Variants in EIF4G1 observed in about 807,000 individuals in gnomAD.
EIF4G1 encodes EIF4-gamma.
EIF4G1 carries 4 observed loss-of-function variants against 187.8 expected under a neutral mutation model. The observed-to-expected ratio is 0.02, with a 90% CI of 0.01 to 0.05. EIF4G1 has a LOEUF of 0.05. Among genes scored for constraint, EIF4G1 ranks in the 10% least tolerant of loss-of-function variants. The probability of loss-of-function intolerance (pLI) is 1.00; values close to 1 mark genes in which losing one functional copy is unlikely to be tolerated. For missense variants in EIF4G1, 1,647 were observed against 2,081.1 expected (o/e 0.79, Z 4.06); for synonymous variants, 844 against 781.4 (o/e 1.08, Z -1.34).
At chr3:184,318,395 C>T (rs1723155001) in intron 6 of EIF4G1, among the ~76,000 whole-genome samples, 2 of 152,144 alleles carry the variant, frequency 1.3e-5, no homozygotes. Context: ...GTCAGGAGGA[C>T]TGCTTAAGGC....
At chr3:184,326,405 TAA>T in intron 21 of EIF4G1, 120 bp from the exon 22 acceptor site, 2 of 1,012,842 alleles carry the variant, frequency 2.0e-6, no homozygotes, top group East Asian at 2.4e-5. Flanking sequence ...GGCCCTTTAT[TAA>T]AAAAGATTTT....
chr3:184,315,769 G>A lies in EIF4G1; in HGVS notation c.-28G>A. ...CGCCACTCTTTCCCAACAGGTGCTG[G>A]GGGGACCCTGATGTGGCACCAAATG... On this transcript the variant is annotated 5_prime_UTR_variant, in exon 3 of 33. Coordinates refer to ENST00000346169, the MANE Select transcript of EIF4G1 (RefSeq NM_198241.3). 6.4e-7 allele frequency: 1 copy of A among 1,551,332 alleles called. No individual in the cohort carries two copies. Among genetic ancestry groups the A allele is most frequent in the Non-Finnish European group, 8.7e-7 (1 of 1,146,704 alleles).
intron 28 of EIF4G1, among the ~76,000 whole-genome samples, chr3:184,329,358 C>T (rs11917469): frequency 0.023 from 3,481 of 152,276 alleles, 124 homozygotes; most frequent in African/African-American, 0.078. Context: ...ATGGGCCGGG[C>T]GCAGTGGCTC....
chr3:184,331,404 T>C, intron 29 of EIF4G1, 40 bp downstream of exon 29: 1 of 1,614,198 alleles, frequency 6.2e-7, no homozygotes, highest in Non-Finnish European at 8.5e-7. Flanking sequence ...CATTTGAGGC[T>C]GGCCAGTCTT....
Position 184,322,002 on chromosome 3 carries a change from A to G in EIF4G1, c.1418A>G (p.Glu473Gly). The G allele has an allele frequency of 6.2e-7, 1 of 1,608,100 alleles. No homozygotes were observed. Among genetic ancestry groups the G allele is most frequent in the South Asian group, 1.1e-5 (1 of 91,056 alleles). Residue 473 changes from glutamate to glycine, a missense_variant, in exon 10 of 33, where the codon GAA (glutamate) becomes GGA (glycine). By Grantham distance (98) the Glu-to-Gly change is moderately conservative. Around this residue, in one of 11 missense-constraint regions of EIF4G1, gnomAD observed 522 missense variants for 485.2 expected, o/e 1.08. Transcript: ENST00000346169. ...GAAGGAGAAGCAGGAGAAGCAGGAG[A>G]AGCTGAGAGTGAGAAAGGAGGAGAG... ...EEEGEAGEAG[E>G]AESEKGGEEL...
At chr3:184,321,083 C>A in intron 9 of EIF4G1, 90 bp downstream of exon 9, 1 of 1,535,656 alleles carries the variant, frequency 6.5e-7, no homozygotes, top group African/African-American at 1.4e-5. Context: ...AACTGGGTAC[C>A]AGAGAATGAT....
Position 184,335,055 on chromosome 3 carries a change from A to T in EIF4G1, c.*147A>T, listed in dbSNP as rs11559215. ...GAACTAATAAAGTGGCTGAAGAGGC[A>T]GGATGGCTTGGGGCTGCCTGGGCCC... On this transcript the variant is annotated 3_prime_UTR_variant, in exon 33 of 33. Coordinates refer to ENST00000346169, the MANE Select transcript of EIF4G1 (RefSeq NM_198241.3). 0.011 allele frequency: 13,038 copies of T among 1,194,634 alleles called. 95 individuals carry two copies. Among genetic ancestry groups the T allele is most frequent in the Non-Finnish European group, 0.013 (10,845 of 847,844 alleles). 74.0% of individuals were successfully genotyped at this position (1,194,634 alleles called of 1,614,324 possible).
Position 184,328,507 on chromosome 3 carries a change from T to C in EIF4G1, c.3954-124T>C, listed in dbSNP as rs917576683. 5.1e-6 allele frequency: 7 copies of C among 1,365,664 alleles called. No individual in the cohort carries two copies. The African/African-American group carries it at 8.6e-5, about 17-fold the overall frequency. 84.6% of individuals were successfully genotyped at this position (1,365,664 alleles called of 1,614,324 possible). A position where few individuals can be genotyped will look rare whatever the true frequency, so the allele number is the denominator to read the frequency against. ...CAGAGGTGGCCTTAGCTTGAAATAA[T>C]TGTCCCCATGTCTAGAAAATGTTCC... On this transcript the variant is annotated intron_variant, in intron 26 of 32. Coordinates refer to ENST00000346169, the MANE Select transcript of EIF4G1 (RefSeq NM_198241.3).
chr3:184,332,170 A>C, intron 32 of EIF4G1, 84 bp downstream of exon 32: 3 of 1,586,242 alleles, frequency 1.9e-6, no homozygotes, highest in Non-Finnish European at 2.6e-6. Context: ...AAGGGTCTTA[A>C]TCCAAGAAAG....
chr3:184,323,697 C>G lies in EIF4G1; in HGVS notation c.2275-83C>G, dbSNP rs34784639. ...TCCTTATCACTAGCATCTGTCATGCCTAAGTCCCCACCACCCTCTCCTGTC... is the reference window on the plus strand; with the variant it reads ...TCCTTATCACTAGCATCTGTCATGCGTAAGTCCCCACCACCCTCTCCTGTC... On this transcript the variant is annotated intron_variant, in intron 15 of 32. Coordinates refer to ENST00000346169, the MANE Select transcript of EIF4G1 (RefSeq NM_198241.3). This position sits in a 1 kb window ranked among gnomAD's most constrained non-coding sequence, Gnocchi z 6.9. The G allele has an allele frequency of 1.2e-6, 2 of 1,609,832 alleles. No individual in the cohort carries two copies. The highest frequency in any genetic ancestry group is 1.3e-5 in the African/African-American group (1 of 74,842).
rs750265716 is a variant in EIF4G1 at position 184,321,314 on chromosome 3, C to G, written c.730C>G (p.Arg244Gly). The change falls in exon 10 of 33, where the codon CGG becomes GGG. Residue 244 changes from arginine (R) to glycine (G), a missense_variant. Physicochemically the swap from Arg to Gly is moderately radical, Grantham distance 125. Transcript: ENST00000346169. ...GTCACAGGGAGCAATCATTGCTGAC[C>G]GGCCAGGGCTGCCTGGCCCAGAGCA... ...DRSQGAIIADRPGLPGPEHSP... is the reference protein window; with the variant it reads ...DRSQGAIIADGPGLPGPEHSP... 34 of 1,614,030 alleles carry G rather than the reference C, an allele frequency of 2.1e-5. No homozygotes were observed. The highest frequency in any genetic ancestry group is 3.3e-5 in the Admixed American group (2 of 60,002).
chr3:184,319,515 G>T, intron 6 of EIF4G1, 174 bp from the exon 7 acceptor site: 7 of 568,470 alleles, frequency 1.2e-5, no homozygotes, highest in Admixed American at 2.3e-5. Flanking sequence ...GTTCAGACTG[G>T]TTCCCCAGCT....
intron 32 of EIF4G1, among the ~76,000 whole-genome samples, chr3:184,332,785 T>G (rs1396619285): frequency 6.6e-6 from 1 of 151,810 alleles, no homozygotes; most frequent in African/African-American, 2.4e-5. Flanking sequence ...GGAAAAGAAC[T>G]ATTAAAGAAA....
At chr3:184,327,136 A>G (rs1411327574) in intron 23 of EIF4G1, 80 bp from the exon 24 acceptor site, 6 of 1,585,790 alleles carry the variant, frequency 3.8e-6, no homozygotes, top group East Asian at 2.2e-5. Flanking sequence ...ACAAGGCCCA[A>G]CAGTTGCTCA....
intron 1 of EIF4G1, chr3:184,315,095 G>T (rs972486030): frequency 3.1e-6 from 1 of 324,694 alleles, no homozygotes; most frequent in African/African-American, 2.3e-5. Context: ...CAGGGAGGGC[G>T]CAGGGGAGGG....
intron 32 of EIF4G1, 59 bp downstream of exon 32, chr3:184,332,145 T>A: frequency 6.2e-7 from 1 of 1,612,336 alleles, no homozygotes; most frequent in East Asian, 2.2e-5. Flanking sequence ...TAGCAGGGCA[T>A]GAGACCCTTC....
At chr3:184,320,163 C>A in intron 7 of EIF4G1, 1 of 786,536 alleles carries the variant, frequency 1.3e-6, no homozygotes, top group Non-Finnish European at 1.7e-6. Context: ...TCAAGGCCTC[C>A]GCCTCTGCTC....
Position 184,315,589 on chromosome 3 carries a change from G to A in EIF4G1, c.-35+44G>A, listed in dbSNP as rs746386780. 4 of 769,088 alleles carry A rather than the reference G, an allele frequency of 5.2e-6. No individual in the cohort carries two copies. The East Asian group carries it at 9.8e-5, about 19-fold the overall frequency. The allele number at this position is 769,088 out of a possible 1,614,324, so 47.6% of individuals were successfully genotyped here. Reference sequence around the variant, plus strand: ...TCAGTAGGTCAGGGGTTGGTTGGAAGTGATGCGGGTTTGACAGCATGTTGG... The same window carrying A: ...TCAGTAGGTCAGGGGTTGGTTGGAAATGATGCGGGTTTGACAGCATGTTGG... On this transcript the variant is annotated intron_variant, in intron 2 of 32. Coordinates refer to ENST00000346169, the MANE Select transcript of EIF4G1 (RefSeq NM_198241.3).
chr3:184,327,600 G>T lies in EIF4G1; in HGVS notation c.3676G>T (p.Ala1226Ser). 2 of 1,614,164 alleles carry T rather than the reference G, an allele frequency of 1.2e-6. No individual in the cohort carries two copies. Among genetic ancestry groups the T allele is most frequent in the Non-Finnish European group, 1.7e-6 (2 of 1,179,990 alleles). ...RGRDAVKREA[A>S]LPPVSPLKAA... ...TCTTCCCACAGTGAAGCGAGAAGCT[G>T]CCCTACCCCCAGTGAGCCCCCTGAA... The change falls in exon 25 of 33, where the codon GCC becomes TCC. Residue 1226 changes from alanine to serine, a missense_variant. Around this residue, in one of 11 missense-constraint regions of EIF4G1, gnomAD observed 543 missense variants for 638.0 expected, o/e 0.85. Coordinates refer to ENST00000346169, the MANE Select transcript of EIF4G1 (RefSeq NM_198241.3).
Sources: gnomAD v4.1 joint callset for allele counts (sites outside exome capture counted in the v4.1 genomes callset) on GRCh38, gnomAD v4.1.1 for gene constraint, gnomAD v4.1.1 regional missense constraint, Gnocchi (gnomAD v3.1) non-coding constraint, MANE v1.5 for transcripts, NCBI Gene and HGNC (gene_info 2026-07-23, HGNC 2026-07-21) for gene names.